PTPRD: variants seen among roughly 807,000 people sequenced by gnomAD.
The protein encoded by PTPRD is protein tyrosine phosphatase receptor type D, also known as receptor-type tyrosine-protein phosphatase delta.
Under a neutral mutation model 214.5 loss-of-function variants are expected in PTPRD, and 34 were observed. The observed-to-expected ratio is 0.16, with a 90% confidence interval of 0.12 to 0.21. The LOEUF is 0.21. Ranked by LOEUF, PTPRD falls within the 10% of genes least tolerant of loss-of-function variation. The pLI is 1.00. For synonymous variants in PTPRD, 1,128 were observed against 845.7 expected, an observed-to-expected ratio of 1.33 and a Z score of -5.79; for missense variants, 2,545 against 2,398.7, an observed-to-expected ratio of 1.06 and a Z score of -1.27.
At chr9:9,602,398 A>G (rs2093840060) in intron 7 of PTPRD, among the ~76,000 whole-genome samples, 1 of 152,026 alleles carries the variant, frequency 6.6e-6, no homozygotes. Flanking sequence ...GTCATTTAAA[A>G]CAACATTTTC....
At chr9:10,407,804 A>G (rs2098388230) in intron 2 of PTPRD, among the ~76,000 whole-genome samples, 1 of 151,606 alleles carries the variant, frequency 6.6e-6, no homozygotes, top group South Asian at 2.1e-4. Flanking sequence ...ACCTGCTAGA[A>G]GGAAATTGTA....
At position 8,653,424 on chromosome 9, in the gene PTPRD, T is replaced by A. The variant is rs530197405; in HGVS notation, c.65-16580A>T. Among the ~76,000 whole-genome samples, 289 of 152,272 alleles carry A rather than the reference T, an allele frequency of 1.9e-3. 3 individuals are homozygous for A. Among genetic ancestry groups the A allele is most frequent in the African/African-American group, 6.6e-3 (274 of 41,562 alleles). On this transcript the variant is annotated intron_variant, in intron 12 of 45. Coordinates refer to ENST00000381196, the MANE Select transcript of PTPRD (RefSeq NM_002839.4). ...TCATTATTTTTTTAAAGGGTCAATA[T>A]AAAGGTTCTGCCATCCTTCACTACC...
intron 11 of PTPRD, among the ~76,000 whole-genome samples, chr9:8,993,971 G>T (rs999679786): frequency 2.0e-5 from 3 of 152,072 alleles, no homozygotes; most frequent in African/African-American, 7.2e-5. Context: ...GGGAGTCATC[G>T]TTGCATCCCA....
chr9:9,319,577 A>T (rs948033859), intron 9 of PTPRD, among the ~76,000 whole-genome samples: 14 of 152,318 alleles, frequency 9.2e-5, no homozygotes, highest in African/African-American at 3.4e-4. Context: ...ATTAAAATAC[A>T]TAGGCTCATT....
chr9:10,216,779 T>C (rs1480743997), intron 3 of PTPRD, among the ~76,000 whole-genome samples: 1 of 152,042 alleles, frequency 6.6e-6, no homozygotes, highest in Admixed American at 6.6e-5. Context: ...CGAAAAGCAG[T>C]GATTTGACAT....
At chr9:9,319,591 C>T (rs1965350746) in intron 9 of PTPRD, among the ~76,000 whole-genome samples, 1 of 152,092 alleles carries the variant, frequency 6.6e-6, no homozygotes, top group Non-Finnish European at 1.5e-5. Flanking sequence ...GCTCATTTCC[C>T]CATATGTCTT....
intron 37 of PTPRD, among the ~76,000 whole-genome samples, chr9:8,380,945 C>A (rs1476751667): frequency 1.3e-5 from 2 of 152,170 alleles, no homozygotes; most frequent in Non-Finnish European, 2.9e-5. Context: ...ACTTACTGAG[C>A]ATGGCAACAT....
At chr9:10,538,484 T>C (rs942536214) in intron 2 of PTPRD, among the ~76,000 whole-genome samples, 51 of 152,096 alleles carry the variant, frequency 3.4e-4, no homozygotes, top group African/African-American at 1.2e-3. Context: ...CCTCTCTCTA[T>C]ATATACACAA....
chr9:9,642,271 G>A (rs1298122011), intron 7 of PTPRD, among the ~76,000 whole-genome samples: 1 of 86,814 alleles, frequency 1.2e-5, no homozygotes, highest in Non-Finnish European at 2.6e-5. Context: ...GTGGTGGGGT[G>A]GGGGGAGGGG....
At chr9:8,373,848 G>GTT in intron 39 of PTPRD, among the ~76,000 whole-genome samples, 1 of 115,570 alleles carries the variant, frequency 8.7e-6, no homozygotes, top group Admixed American at 9.2e-5. Flanking sequence ...ATGTATGTAT[G>GTT]TGTATGTGTC....
intron 6 of PTPRD, among the ~76,000 whole-genome samples, chr9:9,753,052 G>C (rs1004970741): frequency 2.6e-5 from 4 of 152,052 alleles, no homozygotes; most frequent in African/African-American, 9.7e-5. Flanking sequence ...CTGCTTTTAA[G>C]TATGCATTGT....
intron 33 of PTPRD, among the ~76,000 whole-genome samples, chr9:8,450,638 C>T (rs6477309): frequency 0.68 from 103,348 of 151,992 alleles, 35,498 homozygotes; most frequent in East Asian, 0.87. Flanking sequence ...TAACTTTGTT[C>T]TAAAAGCTAT....
intron 3 of PTPRD, among the ~76,000 whole-genome samples, chr9:10,048,112 C>T (rs975083850): frequency 6.6e-6 from 1 of 152,170 alleles, no homozygotes; most frequent in Non-Finnish European, 1.5e-5. Context: ...AGGTTTCCTA[C>T]GTGAGACAGA....
intron 2 of PTPRD, among the ~76,000 whole-genome samples, chr9:10,379,962 T>TA (rs2097789100): frequency 6.6e-6 from 1 of 152,174 alleles, no homozygotes; most frequent in African/African-American, 2.4e-5. Context: ...TTTTCTTTTT[T>TA]ATCTTTAGAG....
At chr9:10,188,149 C>T (rs545888441) in intron 3 of PTPRD, among the ~76,000 whole-genome samples, 1 of 152,224 alleles carries the variant, frequency 6.6e-6, no homozygotes, top group South Asian at 2.1e-4. Flanking sequence ...CGGTTTGTCC[C>T]AATGAGTAAT....
chr9:8,582,077 T>G (rs1345166899), intron 14 of PTPRD, among the ~76,000 whole-genome samples: 1 of 152,080 alleles, frequency 6.6e-6, no homozygotes, highest in East Asian at 1.9e-4. Flanking sequence ...CTATTGGAAG[T>G]GACAAAGATT....
intron 2 of PTPRD, among the ~76,000 whole-genome samples, chr9:10,410,655 G>A (rs1011230930): frequency 6.6e-6 from 1 of 151,474 alleles, no homozygotes; most frequent in East Asian, 2.0e-4. Context: ...ACATAAAAAG[G>A]AACAGTCATT....
intron 11 of PTPRD, among the ~76,000 whole-genome samples, chr9:8,962,543 A>AGC (rs913321483): frequency 6.6e-6 from 1 of 151,536 alleles, no homozygotes; most frequent in African/African-American, 2.4e-5. Context: ...AGAGAAAGAG[A>AGC]GAGAGAGAGA....
intron 8 of PTPRD, among the ~76,000 whole-genome samples, chr9:9,521,573 C>T (rs901542431): frequency 1.3e-5 from 2 of 152,144 alleles, no homozygotes; most frequent in Non-Finnish European, 2.9e-5. Flanking sequence ...AAGCAAGTAA[C>T]TCTGCATACA....
Sources: allele counts gnomAD v4.1 joint callset (sites outside exome capture counted in the v4.1 genomes callset), GRCh38; gene constraint gnomAD v4.1.1; transcripts MANE v1.5; gene names NCBI Gene and HGNC (gene_info 2026-07-23, HGNC 2026-07-21).